The following AR variants were observed in gnomAD, a reference collection of about 807,000 sequenced individuals.
AR encodes androgen receptor.
A neutral mutation model predicts 53.9 loss-of-function variants in AR; 8 were observed. The ratio of observed to expected loss-of-function variants is 0.15; its 90% CI spans 0.09 to 0.27. AR has a LOEUF of 0.27. Ranked by LOEUF, AR falls within the 10% of genes least tolerant of loss-of-function variation. The pLI is 1.00. For synonymous variants in AR, 359 were observed against 316.4 expected, an observed-to-expected ratio of 1.13 and a Z score of -1.43; for missense variants, 639 against 742.5, an observed-to-expected ratio of 0.86 and a Z score of 1.62.
At chrX:67,649,222 G>T (rs1248627361) in intron 2 of AR, among the ~76,000 whole-genome samples, 1 of 112,201 alleles carries the variant, frequency 8.9e-6, no homozygotes, top group African/African-American at 3.2e-5. Flanking sequence ...TTTTATGACT[G>T]CATAGTATTC....
chrX:67,649,524 T>C (rs951248929), intron 2 of AR, among the ~76,000 whole-genome samples: 2 of 112,160 alleles, frequency 1.8e-5, no homozygotes, highest in African/African-American at 6.5e-5. Context: ...CTCCATATTC[T>C]CTCCAGCATC....
chrX:67,699,210 A>G (rs374582493), intron 3 of AR, among the ~76,000 whole-genome samples: 1 of 112,575 alleles, frequency 8.9e-6, no homozygotes, highest in Non-Finnish European at 1.9e-5. Context: ...CTGGCACAGC[A>G]TGGCTAGATT....
intron 1 of AR, among the ~76,000 whole-genome samples, chrX:67,625,745 AT>A (rs1189896354): frequency 1.8e-5 from 2 of 112,013 alleles, no homozygotes; most frequent in African/African-American, 6.5e-5. Context: ...TGCAAAAAAA[AT>A]AAAATGATCT....
At chrX:67,682,872 G>T (rs763204932) in intron 2 of AR, among the ~76,000 whole-genome samples, 12 of 111,410 alleles carry the variant, frequency 1.1e-4, no homozygotes, top group African/African-American at 3.6e-4. Flanking sequence ...TTATTTTTAG[G>T]ACTTACAGAA....
intron 2 of AR, among the ~76,000 whole-genome samples, chrX:67,674,300 C>G (rs919879800): frequency 2.7e-5 from 3 of 110,445 alleles, no homozygotes; most frequent in Non-Finnish European, 3.8e-5. Flanking sequence ...AAAGCTGGCA[C>G]AGCACTGAGT....
At chrX:67,553,807 A>C (rs1052776523) in intron 1 of AR, among the ~76,000 whole-genome samples, 2 of 112,418 alleles carry the variant, frequency 1.8e-5, no homozygotes, top group Admixed American at 1.9e-4. Flanking sequence ...TTGATACTAT[A>C]AATTGAACTG....
intron 7 of AR, among the ~76,000 whole-genome samples, chrX:67,723,308 CTG>C (rs1473926812): frequency 6.9e-5 from 1 of 14,588 alleles, no homozygotes; most frequent in South Asian, 0.011. Context: ...GTGAGTTTGT[CTG>C]TCTGTGTGTG....
chrX:67,555,771 C>T (rs1260262433), intron 1 of AR, among the ~76,000 whole-genome samples: 1 of 112,201 alleles, frequency 8.9e-6, no homozygotes, highest in Non-Finnish European at 1.9e-5. Flanking sequence ...ACTGTAGTCC[C>T]GCTATTTGGC....
chrX:67,585,068 C>T (rs1031131742), intron 1 of AR, among the ~76,000 whole-genome samples: 5 of 110,746 alleles, frequency 4.5e-5, no homozygotes, highest in African/African-American at 1.6e-4. Flanking sequence ...CCAGCCTGAC[C>T]AACATGGTGA....
intron 1 of AR, among the ~76,000 whole-genome samples, chrX:67,620,796 A>C (rs1039673701): frequency 8.9e-6 from 1 of 111,827 alleles, no homozygotes; most frequent in Non-Finnish European, 1.9e-5. Context: ...AAATCTCCTC[A>C]GACCAGACTT....
intron 2 of AR, among the ~76,000 whole-genome samples, chrX:67,674,110 C>G (rs1009842964): frequency 9.1e-6 from 1 of 109,775 alleles, no homozygotes; most frequent in Non-Finnish European, 1.9e-5. Flanking sequence ...CCTGGATTAC[C>G]AAGCAGAGAC....
chrX:67,676,657 T>C (rs750693491), intron 2 of AR, among the ~76,000 whole-genome samples: 13 of 111,610 alleles, frequency 1.2e-4, no homozygotes, highest in Admixed American at 3.8e-4. Flanking sequence ...CATTGTCTAA[T>C]GTTCTTAATC....
chrX:67,713,254 C>G (rs1261060639), intron 4 of AR, among the ~76,000 whole-genome samples: 1 of 110,588 alleles, frequency 9.0e-6, no homozygotes, highest in Non-Finnish European at 1.9e-5. Context: ...CCCTAACCAT[C>G]TCTTATACCT....
At chrX:67,716,338 T>G in intron 4 of AR, among the ~76,000 whole-genome samples, 1 of 112,142 alleles carries the variant, frequency 8.9e-6, no homozygotes, top group East Asian at 2.8e-4. Flanking sequence ...TTAAGCCTTC[T>G]TCTTGGATGA....
In AR at chrX:67,545,915, C is replaced by A. The variant is rs2147318309; in HGVS notation, c.769C>A (p.Leu257Met). 1 of 1,212,142 alleles carries A rather than the reference C, an allele frequency of 8.2e-7. No homozygotes were observed. Among genetic ancestry groups the A allele is most frequent in the Non-Finnish European group, 1.1e-6 (1 of 895,525 alleles). Residue 257 changes from leucine (L) to methionine (M), a missense_variant, in exon 1 of 8, where the codon CTG (leucine) becomes ATG (methionine). This residue lies in a region of AR where 423 missense variants were observed against 377.0 expected (regional missense o/e 1.12). Transcript: ENST00000374690. The part of the protein sequence containing the change: ...MGLGVEALEH[L>M]SPGEQLRGDC... ...CCTGGGTGTGGAGGCGTTGGAGCAT[C>A]TGAGTCCAGGGGAACAGCTTCGGGG...
At chrX:67,640,256 A>T (rs775993961) in intron 1 of AR, among the ~76,000 whole-genome samples, 1 of 111,353 alleles carries the variant, frequency 9.0e-6, no homozygotes, top group Admixed American at 9.6e-5. Flanking sequence ...ACTGATGTTC[A>T]TCAGGGTTAT....
intron 3 of AR, among the ~76,000 whole-genome samples, chrX:67,706,583 C>G (rs1350267728): frequency 2.7e-5 from 3 of 111,047 alleles, no homozygotes; most frequent in Non-Finnish European, 5.7e-5. Context: ...TTTTGTTGAT[C>G]TTTTCAAAAA....
intron 1 of AR, among the ~76,000 whole-genome samples, chrX:67,553,280 G>GAT (rs1393620716): frequency 8.9e-6 from 1 of 111,920 alleles, no homozygotes; most frequent in Non-Finnish European, 1.9e-5. Context: ...TTTGCATGTA[G>GAT]ATATTCAGTT....
intron 2 of AR, among the ~76,000 whole-genome samples, chrX:67,667,328 T>A (rs1327177008): frequency 1.3e-4 from 14 of 111,756 alleles, no homozygotes. Context: ...TTCTCTAATA[T>A]ACGTTCTTGG....
Sources: allele counts gnomAD v4.1 joint callset (sites outside exome capture counted in the v4.1 genomes callset), GRCh38; gene constraint gnomAD v4.1.1; regional missense constraint gnomAD v4.1.1; transcripts MANE v1.5; gene names NCBI Gene and HGNC (gene_info 2026-07-23, HGNC 2026-07-21).